Variants in FRK observed in about 807,000 individuals in gnomAD.
FRK encodes fyn related Src family tyrosine kinase, also known as tyrosine-protein kinase FRK.
FRK carries 51 observed loss-of-function variants against 56.4 expected under a neutral mutation model. The observed-to-expected ratio is 0.90, with a 90% CI of 0.72 to 1.14. The LOEUF is 1.14. FRK is among the 50% of genes most tolerant of loss of function. FRK has a pLI of 0.00. For missense variants in FRK, 570 were observed against 601.4 expected (o/e 0.95, Z 0.55); for synonymous variants, 245 against 217.9 (o/e 1.12, Z -1.10).
upstream of FRK, among the ~76,000 whole-genome samples, chr6:116,063,900 A>G (rs553976879): frequency 6.6e-6 from 1 of 152,314 alleles, no homozygotes; most frequent in East Asian, 1.9e-4. Flanking sequence ...GTCCAAGGTC[A>G]CACGGCCACC....
At chr6:116,043,884 GA>G (rs1247809876) in intron 1 of FRK, among the ~76,000 whole-genome samples, 1 of 150,494 alleles carries the variant, frequency 6.6e-6, no homozygotes, top group Non-Finnish European at 1.5e-5. Context: ...AATTAGACAT[GA>G]AAAGTGATAA....
At chr6:115,945,897 T>C (rs1199361516) in intron 5 of FRK, among the ~76,000 whole-genome samples, 1 of 152,134 alleles carries the variant, frequency 6.6e-6, no homozygotes, top group Non-Finnish European at 1.5e-5. Flanking sequence ...AGTTTGATTG[T>C]TGTTAGTAGA....
chr6:116,066,333 C>T, the FRK span, among the ~76,000 whole-genome samples: 10 of 152,202 alleles, frequency 6.6e-5, no homozygotes, highest in African/African-American at 2.2e-4. Flanking sequence ...TTTTGAGACT[C>T]GGACTGGCTC....
rs1772082018 is a variant in FRK at position 115,938,005 on chromosome 6, C to T, written c.*4409G>A. On this transcript the variant is annotated 3_prime_UTR_variant, in exon 8 of 8. Transcript: ENST00000606080. ...ACAGACATCTACAGAATTCTCTACC[C>T]CAAATCAACAGAATATACATTCTTC... 1 of 152,188 alleles carries T rather than the reference C, an allele frequency of 6.6e-6. No homozygotes were observed. The allele number at this position is 152,188 out of a possible 1,614,324, so 9.4% of individuals were successfully genotyped here.
chr6:115,980,105 G>T lies in FRK; in HGVS notation c.467-11366C>A, dbSNP rs140391708. Among the ~76,000 whole-genome samples the T allele has an allele frequency of 2.9e-3, 441 of 152,044 alleles. 3 individuals are homozygous for T. Among genetic ancestry groups the T allele is most frequent in the African/African-American group, 9.7e-3 (403 of 41,466 alleles). On this transcript the variant is annotated intron_variant, in intron 2 of 7. Coordinates refer to ENST00000606080, the MANE Select transcript of FRK (RefSeq NM_002031.3). The stretch of plus-strand genomic sequence containing the variant: ...AGTAAATACACTAATATATTGCAAA[G>T]AACTGACTCTTATAATGTCCATTAA...
At chr6:116,039,194 A>T in intron 1 of FRK, 1 of 1,348,032 alleles carries the variant, frequency 7.4e-7, no homozygotes, top group South Asian at 1.2e-5. Flanking sequence ...GAGAAGAAAG[A>T]GGTCATCGCA....
the FRK span, among the ~76,000 whole-genome samples, chr6:116,088,618 C>T: frequency 1.3e-5 from 2 of 152,128 alleles, no homozygotes; most frequent in African/African-American, 2.4e-5. Context: ...TGCTAACATC[C>T]CTGGTTCAAG....
At chr6:116,078,091 C>T in the FRK span, among the ~76,000 whole-genome samples, 1 of 152,062 alleles carries the variant, frequency 6.6e-6, no homozygotes, top group African/African-American at 2.4e-5. Context: ...ACCTGGGAAG[C>T]GAAGGTTGCA....
chr6:116,089,060 T>TA, the FRK span, among the ~76,000 whole-genome samples: 1 of 152,294 alleles, frequency 6.6e-6, no homozygotes, highest in South Asian at 2.1e-4. Flanking sequence ...CAGACATGAG[T>TA]GTAAGAACCA....
chr6:116,070,612 G>GA, the FRK span, among the ~76,000 whole-genome samples: 3 of 151,700 alleles, frequency 2.0e-5, no homozygotes, highest in East Asian at 1.9e-4. Flanking sequence ...GCAAGAAGAA[G>GA]AAAAAAAAGT....
At chr6:115,959,405 C>T (rs1466177819) in intron 4 of FRK, among the ~76,000 whole-genome samples, 1 of 152,138 alleles carries the variant, frequency 6.6e-6, no homozygotes, top group African/African-American at 2.4e-5. Context: ...GGCTAGCTAG[C>T]TGCCTCTTCT....
the FRK span, among the ~76,000 whole-genome samples, chr6:116,099,076 G>A: frequency 3.3e-5 from 5 of 152,198 alleles, no homozygotes; most frequent in African/African-American, 1.2e-4. Flanking sequence ...TGATGTGCAT[G>A]TAATAGCCAG....
intron 4 of FRK, 65 bp downstream of exon 4, chr6:115,967,486 T>G: frequency 4.0e-6 from 6 of 1,487,696 alleles, no homozygotes; most frequent in Non-Finnish European, 5.6e-6. Context: ...CTCTTAGATA[T>G]TTACAGTGTT....
At chr6:115,970,543 T>C (rs1773766172) in intron 2 of FRK, among the ~76,000 whole-genome samples, 1 of 152,176 alleles carries the variant, frequency 6.6e-6, no homozygotes, top group Non-Finnish European at 1.5e-5. Context: ...AAACAAAAAC[T>C]GCAGCTACAC....
intron 2 of FRK, among the ~76,000 whole-genome samples, chr6:115,975,451 A>G (rs1389639845): frequency 6.6e-6 from 1 of 152,192 alleles, no homozygotes; most frequent in African/African-American, 2.4e-5. Flanking sequence ...ACTGTTTTTT[A>G]AAAGTATTTT....
chr6:116,079,618 T>A, the FRK span, among the ~76,000 whole-genome samples: 1 of 152,208 alleles, frequency 6.6e-6, no homozygotes, highest in Non-Finnish European at 1.5e-5. Flanking sequence ...TGAGACAGAA[T>A]CTTGCTCTGT....
intron 1 of FRK, among the ~76,000 whole-genome samples, chr6:116,035,505 C>T (rs979161833): frequency 4.6e-5 from 7 of 152,014 alleles, no homozygotes; most frequent in Non-Finnish European, 8.8e-5. Flanking sequence ...AAACTCTCTA[C>T]GTAATAACAT....
At chr6:115,990,545 T>C (rs1405444909) in intron 2 of FRK, among the ~76,000 whole-genome samples, 1 of 151,878 alleles carries the variant, frequency 6.6e-6, no homozygotes, top group African/African-American at 2.4e-5. Context: ...TTCGTTATTG[T>C]TGAATTTGTC....
chr6:116,011,417 C>G (rs976516655), intron 1 of FRK, among the ~76,000 whole-genome samples: 12 of 151,982 alleles, frequency 7.9e-5, no homozygotes, highest in Non-Finnish European at 1.5e-4. Context: ...AGGCAGTCAG[C>G]CTTCAAGTAC....
Sources: allele counts gnomAD v4.1 joint callset (sites outside exome capture counted in the v4.1 genomes callset), GRCh38; gene constraint gnomAD v4.1.1; transcripts MANE v1.5; gene names NCBI Gene and HGNC (gene_info 2026-07-23, HGNC 2026-07-21).